MEGF10: variants seen among roughly 807,000 people sequenced by gnomAD.
The protein encoded by MEGF10 is multiple EGF like domains 10, also known as multiple epidermal growth factor-like domains protein 10.
In MEGF10, 86 loss-of-function variants were observed where a neutral mutation model predicts 147.5. That is an observed-to-expected ratio of 0.58 (90% CI 0.49 to 0.70). The LOEUF is 0.70. Ranked by LOEUF, MEGF10 falls within the 30% of genes least tolerant of loss-of-function variation. The pLI is 0.00. For synonymous variants in MEGF10, 478 were observed against 525.5 expected, an observed-to-expected ratio of 0.91 and a Z score of 1.24; for missense variants, 1,329 against 1,487.3, an observed-to-expected ratio of 0.89 and a Z score of 1.75.
chr5:127,442,398 C>A (rs572743118), intron 18 of MEGF10, among the ~76,000 whole-genome samples: 4 of 152,088 alleles, frequency 2.6e-5, no homozygotes, highest in Non-Finnish European at 5.9e-5. Context: ...TTATTAAGAC[C>A]GCATAGTAAG....
intron 1 of MEGF10, 80 bp from the exon 2 acceptor site, chr5:127,331,211 C>A: frequency 2.8e-6 from 2 of 715,688 alleles, no homozygotes; most frequent in Non-Finnish European, 4.9e-6. Flanking sequence ...ACAACTGGTA[C>A]CTGGTGGTTG....
At chr5:127,288,868 C>T (rs1467713279), upstream of MEGF10, among the ~76,000 whole-genome samples, 1 of 152,154 alleles carries the variant, frequency 6.6e-6, no homozygotes, top group Non-Finnish European at 1.5e-5. Context: ...GTGGTATATC[C>T]ATACAATGGA....
At chr5:127,444,199 C>T (rs1765856828) in intron 19 of MEGF10, among the ~76,000 whole-genome samples, 1 of 152,158 alleles carries the variant, frequency 6.6e-6, no homozygotes, top group Non-Finnish European at 1.5e-5. Flanking sequence ...AGGCAATAAG[C>T]AGTTGGGCTA....
At chr5:127,285,726 GC>G in the MEGF10 span, among the ~76,000 whole-genome samples, 1 of 151,942 alleles carries the variant, frequency 6.6e-6, no homozygotes, top group African/African-American at 2.4e-5. Flanking sequence ...ACATTTAAAA[GC>G]AGTGAAATAA....
At chr5:127,440,919 A>G (rs1765734658) in intron 18 of MEGF10, 52 bp downstream of exon 18, 4 of 1,595,102 alleles carry the variant, frequency 2.5e-6, no homozygotes, top group Non-Finnish European at 3.4e-6. Flanking sequence ...CTCTAGAATC[A>G]CATTTCCTAG....
At chr5:127,299,400 G>A (rs1759665335) in intron 1 of MEGF10, among the ~76,000 whole-genome samples, 1 of 152,124 alleles carries the variant, frequency 6.6e-6, no homozygotes, top group Non-Finnish European at 1.5e-5. Flanking sequence ...ACAGTTATGA[G>A]GCTGGGGGAC....
rs371105724 is a variant in MEGF10 at position 127,458,168 on chromosome 5, TGACA to T, written c.*854_*857del. The T allele has an allele frequency of 6.6e-6, 1 of 152,344 alleles. No individual in the cohort carries two copies. The highest frequency in any genetic ancestry group is 1.5e-5 in the Non-Finnish European group (1 of 68,028). 9.4% of individuals were successfully genotyped at this position (152,344 alleles called of 1,614,324 possible). A position where few individuals can be genotyped will look rare whatever the true frequency, so the allele number is the denominator to read the frequency against. On this transcript the variant is annotated 3_prime_UTR_variant, in exon 25 of 25. Coordinates refer to ENST00000503335, the MANE Select transcript of MEGF10 (RefSeq NM_001256545.2). ...TATAGAAATGAAATAATTTTATTTTTGACAGACTGGATGGAATGAGTGTGTAATG... is the reference window on the plus strand; with the variant it reads ...TATAGAAATGAAATAATTTTATTTTTGACTGGATGGAATGAGTGTGTAATG...
At chr5:127,278,471 G>C in the MEGF10 span, among the ~76,000 whole-genome samples, 2 of 152,186 alleles carry the variant, frequency 1.3e-5, no homozygotes, top group Non-Finnish European at 2.9e-5. Flanking sequence ...AATAGCTGTA[G>C]GAGGAGAACC....
At chr5:127,269,770 A>G in the MEGF10 span, among the ~76,000 whole-genome samples, 1 of 152,164 alleles carries the variant, frequency 6.6e-6, no homozygotes, top group Admixed American at 6.5e-5. Flanking sequence ...CAACTCCAAG[A>G]TACATAATTG....
At position 127,310,287 on chromosome 5, in the gene MEGF10, G is replaced by C. The variant is rs371837078; in HGVS notation, c.-19+19231G>C. Among the ~76,000 whole-genome samples the C allele has an allele frequency of 2.2e-4, 34 of 151,826 alleles. 1 individual carries two copies. The South Asian group carries it at 6.9e-3, about 31-fold the overall frequency. On this transcript the variant is annotated intron_variant, in intron 1 of 24. Coordinates refer to ENST00000503335, the MANE Select transcript of MEGF10 (RefSeq NM_001256545.2). ...TTGTCTGTTTTGTTACTGCTATGTTGTAGGAGTTCTTTTTATATTGTTGAT... is the reference window on the plus strand; with the variant it reads ...TTGTCTGTTTTGTTACTGCTATGTTCTAGGAGTTCTTTTTATATTGTTGAT...
the MEGF10 span, among the ~76,000 whole-genome samples, chr5:127,264,986 T>C: frequency 6.6e-6 from 1 of 152,172 alleles, no homozygotes; most frequent in South Asian, 2.1e-4. Context: ...GTTACATATG[T>C]ATACATGTGC....
chr5:127,394,095 G>A (rs1763813641), intron 5 of MEGF10, among the ~76,000 whole-genome samples: 1 of 152,112 alleles, frequency 6.6e-6, no homozygotes. Flanking sequence ...GTTTTGACAT[G>A]ATCTTGTTGT....
At chr5:127,319,573 C>T (rs2126758906) in intron 1 of MEGF10, among the ~76,000 whole-genome samples, 1 of 152,276 alleles carries the variant, frequency 6.6e-6, no homozygotes, top group Middle Eastern at 3.4e-3. Context: ...AGTTTACCTT[C>T]CATCAGCTCT....
chr5:127,432,877 T>G (rs1765430305), intron 13 of MEGF10, among the ~76,000 whole-genome samples: 2 of 152,246 alleles, frequency 1.3e-5, no homozygotes, highest in African/African-American at 4.8e-5. Flanking sequence ...TTCTGCACAA[T>G]GCACCATCAA....
At chr5:127,333,202 C>T (rs1352314181) in intron 2 of MEGF10, among the ~76,000 whole-genome samples, 1 of 152,018 alleles carries the variant, frequency 6.6e-6, no homozygotes, top group Non-Finnish European at 1.5e-5. Flanking sequence ...AACAGAGGAA[C>T]TCTCTGAGGG....
chr5:127,242,398 T>C, the MEGF10 span, among the ~76,000 whole-genome samples: 1 of 152,316 alleles, frequency 6.6e-6, no homozygotes, highest in Non-Finnish European at 1.5e-5. Flanking sequence ...AAGAGGTATA[T>C]ATAATGAAAT....
the MEGF10 span, among the ~76,000 whole-genome samples, chr5:127,237,855 T>G: frequency 6.6e-6 from 1 of 152,088 alleles, no homozygotes; most frequent in Non-Finnish European, 1.5e-5. Flanking sequence ...ATCTAGATGT[T>G]TCTACCCTAT....
intron 5 of MEGF10, among the ~76,000 whole-genome samples, chr5:127,393,572 C>T (rs138464139): frequency 6.5e-4 from 99 of 152,184 alleles, no homozygotes; most frequent in African/African-American, 2.3e-3. Context: ...CTGAATAGAC[C>T]ATGTTGATGT....
At chr5:127,261,210 C>T in the MEGF10 span, among the ~76,000 whole-genome samples, 1 of 152,098 alleles carries the variant, frequency 6.6e-6, no homozygotes, top group East Asian at 1.9e-4. Flanking sequence ...TCATTACCTC[C>T]AAAAAGAAAT....
Sources: allele counts gnomAD v4.1 joint callset (sites outside exome capture counted in the v4.1 genomes callset), GRCh38; gene constraint gnomAD v4.1.1; transcripts MANE v1.5; gene names NCBI Gene and HGNC (gene_info 2026-07-23, HGNC 2026-07-21).